CHEK2: variants seen among roughly 807,000 people sequenced by gnomAD.
CHEK2 encodes the protein serine/threonine-protein kinase Chk2.
Under a neutral mutation model 69.1 loss-of-function variants are expected in CHEK2, and 71 were observed. The ratio of observed to expected loss-of-function variants is 1.03; its 90% CI spans 0.85 to 1.25. The LOEUF is 1.25. Ranked by LOEUF, CHEK2 falls within the 50% of genes most tolerant of loss-of-function variation. The pLI is 0.00. For synonymous variants in CHEK2, 189 were observed against 226.9 expected, an observed-to-expected ratio of 0.83 and a Z score of 1.50; for missense variants, 664 against 649.6, an observed-to-expected ratio of 1.02 and a Z score of -0.24.
chr22:28,741,751 G>A lies in CHEK2; in HGVS notation c.-7+18C>T, dbSNP rs1039356654. ...TCGAACCACCAAACACCCAACAGAA[G>A]TTCCCCATATGACTCACCGCGTGAG... On this transcript the variant is annotated intron_variant, in intron 1 of 14. Transcript: ENST00000404276. 2 of 369,804 alleles carry A rather than the reference G, an allele frequency of 5.4e-6. No homozygotes were observed. Among genetic ancestry groups the A allele is most frequent in the African/African-American group, 4.1e-5 (2 of 48,438 alleles). 22.9% of individuals were successfully genotyped at this position (369,804 alleles called of 1,614,324 possible). A position where few individuals can be genotyped will look rare whatever the true frequency, so the allele number is the denominator to read the frequency against.
At chr22:28,730,786 A>G (rs754156170) in intron 2 of CHEK2, among the ~76,000 whole-genome samples, 1 of 152,056 alleles carries the variant, frequency 6.6e-6, no homozygotes, top group Non-Finnish European at 1.5e-5. Context: ...TGAAACCGGG[A>G]GGAGGAGGTT....
intron 13 of CHEK2, among the ~76,000 whole-genome samples, chr22:28,692,177 G>A (rs1416973246): frequency 6.6e-6 from 1 of 152,200 alleles, no homozygotes; most frequent in Non-Finnish European, 1.5e-5. Context: ...CCTGTTCCCA[G>A]GCTCAACTGG....
At chr22:28,731,478 C>T (rs2054214056) in intron 2 of CHEK2, among the ~76,000 whole-genome samples, 1 of 151,930 alleles carries the variant, frequency 6.6e-6, no homozygotes, top group African/African-American at 2.4e-5. Context: ...CACCTGTAAT[C>T]CCAGCTACTC....
chr22:28,739,708 A>C (rs574186137), intron 1 of CHEK2, among the ~76,000 whole-genome samples: 2 of 152,114 alleles, frequency 1.3e-5, no homozygotes, highest in South Asian at 2.1e-4. Flanking sequence ...AACAAACAAA[A>C]AAACCCACAA....
At chr22:28,707,698 A>G (rs1028991333) in intron 7 of CHEK2, among the ~76,000 whole-genome samples, 1 of 152,198 alleles carries the variant, frequency 6.6e-6, no homozygotes, top group Admixed American at 6.5e-5. Context: ...TGTAAAATGC[A>G]AATAAATATG....
At position 28,712,044 on chromosome 22, in the gene CHEK2, T is replaced by C. The variant is rs769306823; in HGVS notation, c.684-27A>G. The C allele has an allele frequency of 5.2e-6, 8 of 1,531,944 alleles. No individual in the cohort carries two copies. In the Admixed American group the frequency reaches 1.3e-4, roughly 26 times the overall value. 94.9% of individuals were successfully genotyped at this position (1,531,944 alleles called of 1,614,324 possible). On this transcript the variant is annotated intron_variant, in intron 5 of 14. Coordinates refer to ENST00000404276, the MANE Select transcript of CHEK2 (RefSeq NM_007194.4). ...TAGAGGGAAAAACAAAGATAGTGAT[T>C]GTCTGAATGTTTTTAATTATGAGAC...
At chr22:28,730,204 GAGGAAGAGAGAA>G in intron 2 of CHEK2, among the ~76,000 whole-genome samples, 1 of 138,402 alleles carries the variant, frequency 7.2e-6, no homozygotes, top group South Asian at 2.5e-4. Flanking sequence ...AGAAAGGAGA[GAGGAAGAGAGAA>G]GAGGAGAGAG....
At chr22:28,723,600 G>GGA (rs1230270237) in intron 4 of CHEK2, among the ~76,000 whole-genome samples, 4 of 64,378 alleles carry the variant, frequency 6.2e-5, no homozygotes, top group South Asian at 1.2e-3. Context: ...TCCGTCACAA[G>GGA]GAAAAAAAAA....
At chr22:28,694,625 C>T (rs1373837190) in intron 12 of CHEK2, among the ~76,000 whole-genome samples, 8 of 152,170 alleles carry the variant, frequency 5.3e-5, no homozygotes, top group Non-Finnish European at 1.2e-4. Flanking sequence ...AACACAATCA[C>T]CTATGTTATG....
At chr22:28,740,160 C>T (rs112341787) in intron 1 of CHEK2, among the ~76,000 whole-genome samples, 4 of 152,306 alleles carry the variant, frequency 2.6e-5, no homozygotes, top group African/African-American at 9.6e-5. Flanking sequence ...GAGATCGCAC[C>T]ACTGCACTCC....
intron 4 of CHEK2, among the ~76,000 whole-genome samples, chr22:28,721,282 T>C (rs376498221): frequency 5.3e-3 from 357 of 67,722 alleles, no homozygotes; most frequent in African/African-American, 0.02. Flanking sequence ...TTTGTTTGGG[T>C]TTTTTTTTTT....
Position 28,719,465 on chromosome 22 carries a change from T to A in CHEK2, c.613A>T (p.Thr205Ser), listed in dbSNP as rs587780187. The change falls in exon 5 of 15, where the codon ACT (threonine) becomes TCT (serine). Residue 205 changes from threonine to serine, a missense_variant. Coordinates refer to ENST00000404276, the MANE Select transcript of CHEK2 (RefSeq NM_007194.4). ...RNKVFVFFDLTVDDQSVYPKA... is the reference protein window; with the variant it reads ...RNKVFVFFDLSVDDQSVYPKA... ...GGATAAACTGACTGATCATCTACAG[T>A]CAGATCAAAAAAGACAAAAACTAAG... is the stretch of plus-strand genomic sequence containing the variant. 1.3e-6 allele frequency: 2 copies of A among 1,593,588 alleles called. No homozygotes were observed. Among genetic ancestry groups the A allele is most frequent in the East Asian group, 4.5e-5 (2 of 44,580 alleles).
At chr22:28,728,631 G>A (rs2054089067) in intron 2 of CHEK2, among the ~76,000 whole-genome samples, 1 of 152,156 alleles carries the variant, frequency 6.6e-6, no homozygotes, top group Non-Finnish European at 1.5e-5. Flanking sequence ...GAACCTGTGA[G>A]GCAGAGGCTG....
intron 4 of CHEK2, among the ~76,000 whole-genome samples, chr22:28,723,263 C>A (rs2053861555): frequency 6.6e-6 from 1 of 152,164 alleles, no homozygotes; most frequent in South Asian, 2.1e-4. Flanking sequence ...CTAAAGTGAG[C>A]CTCTTACAGA....
intron 10 of CHEK2, among the ~76,000 whole-genome samples, 197 bp from the exon 11 acceptor site, chr22:28,696,070 G>A (rs2052574079): frequency 6.6e-6 from 1 of 152,152 alleles, no homozygotes; most frequent in Non-Finnish European, 1.5e-5. Flanking sequence ...AAATTCCTGA[G>A]CCTAGGAATC....
chr22:28,730,654 T>C, intron 2 of CHEK2: 1 of 477,812 alleles, frequency 2.1e-6, no homozygotes, highest in Non-Finnish European at 3.9e-6. Flanking sequence ...GGGCAGGAGT[T>C]CGAGACCAGC....
intron 7 of CHEK2, among the ~76,000 whole-genome samples, chr22:28,705,961 T>C (rs2053118581): frequency 8.5e-6 from 1 of 118,116 alleles, no homozygotes; most frequent in South Asian, 3.0e-4. Context: ...TAAACTAAAC[T>C]AAACTAAAAA....
chr22:28,703,765 T>TA lies in CHEK2; in HGVS notation c.847-200_847-199insT, dbSNP rs1385292828. The stretch of plus-strand genomic sequence containing the variant: ...TCCTCAGTGAGAACATGCAAGAAAT[T>TA]TTCCACCCCACCATGATGGTGAGAG... On this transcript the variant is annotated intron_variant, in intron 7 of 14. Coordinates refer to ENST00000404276, the MANE Select transcript of CHEK2 (RefSeq NM_007194.4). Among the ~76,000 whole-genome samples the TA allele has an allele frequency of 2.6e-5, 4 of 152,008 alleles. No homozygotes were observed. In the East Asian group the frequency reaches 7.7e-4, roughly 29 times the overall value.
At chr22:28,715,386 C>T (rs1280898307) in intron 5 of CHEK2, among the ~76,000 whole-genome samples, 4 of 127,804 alleles carry the variant, frequency 3.1e-5, no homozygotes, top group African/African-American at 1.1e-4. Flanking sequence ...GATTTGCCTG[C>T]TTATTTTTAT....
Sources: gnomAD v4.1 joint callset for allele counts (sites outside exome capture counted in the v4.1 genomes callset) on GRCh38, gnomAD v4.1.1 for gene constraint, MANE v1.5 for transcripts, NCBI Gene and HGNC (gene_info 2026-07-23, HGNC 2026-07-21) for gene names.